Variants in CDH18 observed in about 807,000 individuals in gnomAD.
CDH18 encodes the protein cadherin-18.
A neutral mutation model predicts 67.9 loss-of-function variants in CDH18; 31 were observed. That is an observed-to-expected ratio of 0.46 (90% CI 0.34 to 0.62). The LOEUF (loss-of-function observed/expected upper bound fraction) is 0.62. Among genes scored for constraint, CDH18 ranks in the 20% least tolerant of loss-of-function variants. The pLI, the probability that CDH18 is intolerant of heterozygous loss-of-function variation, is 0.01. For missense variants in CDH18, 890 were observed against 975.5 expected (o/e 0.91, Z 1.17); for synonymous variants, 362 against 347.2 (o/e 1.04, Z -0.48).
At chr5:19,712,702 A>T (rs1249534553) in intron 5 of CDH18, among the ~76,000 whole-genome samples, 1 of 150,570 alleles carries the variant, frequency 6.6e-6, no homozygotes, top group Non-Finnish European at 1.5e-5. Flanking sequence ...TTCTACATAT[A>T]TGTATATATA....
chr5:19,746,636 C>T (rs559745791), intron 4 of CDH18, among the ~76,000 whole-genome samples: 99 of 152,186 alleles, frequency 6.5e-4, no homozygotes, highest in African/African-American at 2.3e-3. Flanking sequence ...GTAGAATTCA[C>T]GTGATAGAAG....
chr5:19,601,695 T>C (rs1167742535), intron 6 of CDH18, among the ~76,000 whole-genome samples: 2 of 151,994 alleles, frequency 1.3e-5, no homozygotes, highest in Non-Finnish European at 2.9e-5. Flanking sequence ...AATACAAAAA[T>C]TATTAACAAA....
intron 2 of CDH18, among the ~76,000 whole-genome samples, chr5:20,058,680 A>C (rs1742205802): frequency 6.6e-6 from 1 of 152,224 alleles, no homozygotes; most frequent in Non-Finnish European, 1.5e-5. Context: ...TGAAGAATAC[A>C]TTACAAGGCA....
At chr5:20,190,330 G>T (rs1442372490) in intron 2 of CDH18, among the ~76,000 whole-genome samples, 1 of 152,112 alleles carries the variant, frequency 6.6e-6, no homozygotes, top group East Asian at 1.9e-4. Context: ...TCAGTTCAGT[G>T]TATGGTTTTT....
intron 8 of CDH18, among the ~76,000 whole-genome samples, chr5:19,548,992 C>T (rs958100074): frequency 5.3e-5 from 8 of 152,020 alleles, no homozygotes; most frequent in African/African-American, 9.7e-5. Context: ...TCAGGTGATC[C>T]GCCTGCCTCG....
At chr5:19,811,134 G>GA (rs1413833121) in intron 3 of CDH18, among the ~76,000 whole-genome samples, 1 of 116,118 alleles carries the variant, frequency 8.6e-6, no homozygotes, top group African/African-American at 3.4e-5. Context: ...AAGAAAGAAA[G>GA]AAAGAAAGAA....
chr5:19,505,129 T>C (rs940986857), intron 10 of CDH18, among the ~76,000 whole-genome samples: 2 of 152,112 alleles, frequency 1.3e-5, no homozygotes, highest in Non-Finnish European at 2.9e-5. Context: ...CGTGTTTTTT[T>C]AAGAGAGAAA....
At chr5:19,831,882 T>G (rs1781072806) in intron 3 of CDH18, among the ~76,000 whole-genome samples, 1 of 151,808 alleles carries the variant, frequency 6.6e-6, no homozygotes, top group Admixed American at 6.6e-5. Context: ...GTGGATTAAA[T>G]AAAGAAAATG....
intron 7 of CDH18, among the ~76,000 whole-genome samples, chr5:19,576,168 C>T (rs770982242): frequency 5.3e-5 from 8 of 151,906 alleles, no homozygotes; most frequent in Non-Finnish European, 1.0e-4. Context: ...GAGGGGAAAC[C>T]TTCATGACAT....
intron 2 of CDH18, among the ~76,000 whole-genome samples, chr5:19,892,508 C>T (rs1309857957): frequency 6.6e-6 from 1 of 152,060 alleles, no homozygotes; most frequent in Non-Finnish European, 1.5e-5. Flanking sequence ...GAGACAGTCT[C>T]CAACGATCTG....
At chr5:19,750,052 G>C (rs564265024) in intron 3 of CDH18, among the ~76,000 whole-genome samples, 1 of 151,890 alleles carries the variant, frequency 6.6e-6, no homozygotes, top group Non-Finnish European at 1.5e-5. Context: ...TTTAAATAAC[G>C]TAGATGATCA....
At chr5:20,295,516 CAA>C (rs1158634388) in intron 1 of CDH18, among the ~76,000 whole-genome samples, 1 of 151,512 alleles carries the variant, frequency 6.6e-6, no homozygotes, top group Non-Finnish European at 1.5e-5. Flanking sequence ...ATCACGAGGT[CAA>C]GAGATCAAGA....
chr5:20,406,327 G>T (rs1271541088), intron 1 of CDH18, among the ~76,000 whole-genome samples: 1 of 151,656 alleles, frequency 6.6e-6, no homozygotes, highest in African/African-American at 2.4e-5. Flanking sequence ...GCAAACTATC[G>T]CAAAGACAAA....
chr5:20,028,254 GTTCT>G (rs1454452451), intron 2 of CDH18, among the ~76,000 whole-genome samples: 1 of 152,008 alleles, frequency 6.6e-6, no homozygotes, highest in East Asian at 1.9e-4. Flanking sequence ...ATGGAAAACA[GTTCT>G]TTCTCCTATA....
chr5:20,501,840 G>C (rs1754352300), intron 1 of CDH18, among the ~76,000 whole-genome samples: 1 of 144,984 alleles, frequency 6.9e-6, no homozygotes, highest in Non-Finnish European at 1.5e-5. Context: ...GTTCTTTCTT[G>C]AAGAAGAACT....
intron 2 of CDH18, among the ~76,000 whole-genome samples, chr5:20,016,824 A>G (rs879928258): frequency 2.6e-5 from 4 of 152,048 alleles, no homozygotes; most frequent in South Asian, 2.1e-4. Context: ...GTTTGTCACT[A>G]TGGATCACGG....
At chr5:20,302,816 C>T (rs949948827) in intron 1 of CDH18, among the ~76,000 whole-genome samples, 5 of 152,150 alleles carry the variant, frequency 3.3e-5, no homozygotes, top group Non-Finnish European at 5.9e-5. Context: ...CTACTAGTCT[C>T]AAATGATTCA....
At chr5:20,460,436 T>TAAAA (rs1159414746) in intron 1 of CDH18, among the ~76,000 whole-genome samples, 8 of 130,890 alleles carry the variant, frequency 6.1e-5, no homozygotes, top group African/African-American at 2.4e-4. Context: ...AATAAATAAA[T>TAAAA]AAATAAAATA....
At chr5:20,477,326 A>G (rs1177425561) in intron 1 of CDH18, among the ~76,000 whole-genome samples, 1 of 152,210 alleles carries the variant, frequency 6.6e-6, no homozygotes, top group African/African-American at 2.4e-5. Flanking sequence ...CATGAGAACC[A>G]AAAATCAGGT....
Sources: gnomAD v4.1 joint callset for allele counts (sites outside exome capture counted in the v4.1 genomes callset) on GRCh38, gnomAD v4.1.1 for gene constraint, MANE v1.5 for transcripts, NCBI Gene and HGNC (gene_info 2026-07-23, HGNC 2026-07-21) for gene names.